MARCHF3: variants seen among roughly 807,000 people sequenced by gnomAD.
MARCHF3 encodes membrane associated ring-CH-type finger 3.
A neutral mutation model predicts 24.2 loss-of-function variants in MARCHF3; 13 were observed. The ratio of observed to expected loss-of-function variants is 0.54; its 90% CI spans 0.35 to 0.85. The LOEUF (loss-of-function observed/expected upper bound fraction) is 0.85. Ranked by LOEUF, MARCHF3 falls within the 40% of genes least tolerant of loss-of-function variation. The pLI is 0.01. For missense variants in MARCHF3, 276 were observed against 325.0 expected (o/e 0.85, Z 1.16); for synonymous variants, 144 against 137.3 (o/e 1.05, Z -0.34).
intron 1 of MARCHF3, among the ~76,000 whole-genome samples, chr5:126,928,953 CTT>C (rs1160798525): frequency 6.6e-6 from 1 of 152,138 alleles, no homozygotes; most frequent in African/African-American, 2.4e-5. Context: ...ATCTAACAAA[CTT>C]AATATTCCCT....
intron 3 of MARCHF3, chr5:126,899,230 A>AG: frequency 1.0e-6 from 1 of 985,364 alleles, no homozygotes; most frequent in South Asian, 4.7e-5. Flanking sequence ...AAGACCTGAC[A>AG]GGGGTGTTTT....
At chr5:126,966,833 C>G (rs1750827137) in intron 1 of MARCHF3, among the ~76,000 whole-genome samples, 1 of 140,158 alleles carries the variant, frequency 7.1e-6, no homozygotes, top group Non-Finnish European at 1.5e-5. Flanking sequence ...TAACAGTGGC[C>G]TTAGAATACT....
chr5:126,951,420 C>A (rs1750227580), intron 1 of MARCHF3, among the ~76,000 whole-genome samples: 1 of 152,162 alleles, frequency 6.6e-6, no homozygotes, highest in African/African-American at 2.4e-5. Context: ...ACTTGTATGT[C>A]CAACTGTCTA....
At chr5:126,916,533 A>G (rs1429080117) in intron 2 of MARCHF3, among the ~76,000 whole-genome samples, 1 of 152,158 alleles carries the variant, frequency 6.6e-6, no homozygotes, top group Admixed American at 6.5e-5. Context: ...TGAAAGGCCT[A>G]CTTGTGCCCA....
At chr5:126,948,530 G>T (rs1324903028) in intron 1 of MARCHF3, among the ~76,000 whole-genome samples, 1 of 152,220 alleles carries the variant, frequency 6.6e-6, no homozygotes, top group Non-Finnish European at 1.5e-5. Context: ...GCAATATGCT[G>T]AATAAAAGAA....
At chr5:126,896,026 A>G (rs1199584390) in intron 3 of MARCHF3, among the ~76,000 whole-genome samples, 2 of 152,154 alleles carry the variant, frequency 1.3e-5, no homozygotes, top group Admixed American at 6.6e-5. Flanking sequence ...CCGTTTTTTA[A>G]GCCTGTCGGA....
chr5:126,895,802 G>A (rs1031826155), intron 3 of MARCHF3, among the ~76,000 whole-genome samples: 2 of 152,298 alleles, frequency 1.3e-5, no homozygotes, highest in South Asian at 2.1e-4. Flanking sequence ...GGAGCCTACA[G>A]AGGCAGGCAG....
intron 1 of MARCHF3, among the ~76,000 whole-genome samples, chr5:126,961,476 T>G (rs917329589): frequency 2.0e-5 from 3 of 152,204 alleles, no homozygotes; most frequent in Admixed American, 2.0e-4. Context: ...CCAACAGTTA[T>G]GCTTATGTTT....
At chr5:126,972,818 C>G (rs73786244) in intron 1 of MARCHF3, among the ~76,000 whole-genome samples, 7,854 of 152,076 alleles carry the variant, frequency 0.052, 375 homozygotes, top group South Asian at 0.14. Flanking sequence ...AAAAAAACAC[C>G]AAAAAAACCC....
intron 3 of MARCHF3, 43 bp from the exon 4 acceptor site, chr5:126,878,437 A>G (rs771430221): frequency 1.9e-6 from 3 of 1,565,550 alleles, no homozygotes; most frequent in South Asian, 2.3e-5. Context: ...GGAGAGGGTT[A>G]AATGCCAGTG....
At chr5:126,923,110 G>A (rs1408093559) in intron 1 of MARCHF3, among the ~76,000 whole-genome samples, 2 of 152,190 alleles carry the variant, frequency 1.3e-5, no homozygotes, top group Non-Finnish European at 2.9e-5. Flanking sequence ...ATTTACCTAT[G>A]TAACAAACAT....
At chr5:126,964,288 C>T (rs769236262) in intron 1 of MARCHF3, among the ~76,000 whole-genome samples, 4 of 152,214 alleles carry the variant, frequency 2.6e-5, no homozygotes, top group Non-Finnish European at 5.9e-5. Context: ...AGTCTGATGT[C>T]ACAAGGCTGG....
At chr5:126,949,137 A>G (rs1358460829) in intron 1 of MARCHF3, among the ~76,000 whole-genome samples, 1 of 152,256 alleles carries the variant, frequency 6.6e-6, no homozygotes, top group African/African-American at 2.4e-5. Context: ...AGGCAAACAC[A>G]GTTATAAATG....
chr5:126,928,360 G>A (rs1373280598), intron 1 of MARCHF3, among the ~76,000 whole-genome samples: 1 of 152,198 alleles, frequency 6.6e-6, no homozygotes, highest in African/African-American at 2.4e-5. Context: ...ACCAGAGACT[G>A]TTTGTTTCCC....
chr5:126,986,135 T>C (rs1180674940), intron 1 of MARCHF3, among the ~76,000 whole-genome samples: 1 of 152,166 alleles, frequency 6.6e-6, no homozygotes, highest in African/African-American at 2.4e-5. Context: ...AGCGCAGAAG[T>C]AGGAGTCAAA....
intron 3 of MARCHF3, among the ~76,000 whole-genome samples, chr5:126,888,786 A>C (rs1312094599): frequency 6.6e-6 from 1 of 152,128 alleles, no homozygotes; most frequent in Non-Finnish European, 1.5e-5. Context: ...TTTTTTTGAG[A>C]TGGAGTCTCG....
At chr5:126,931,930 G>T (rs951661933) in intron 1 of MARCHF3, among the ~76,000 whole-genome samples, 1 of 152,182 alleles carries the variant, frequency 6.6e-6, no homozygotes, top group African/African-American at 2.4e-5. Flanking sequence ...GATACCTTGG[G>T]TTTGAATCCC....
chr5:126,875,411 C>A (rs955398358), intron 4 of MARCHF3, among the ~76,000 whole-genome samples: 2 of 152,220 alleles, frequency 1.3e-5, no homozygotes, highest in South Asian at 4.1e-4. Flanking sequence ...ACCAGGGAGG[C>A]CCTTCCAGGA....
chr5:126,973,879 ATTTTTTTTT>A (rs10585434), intron 1 of MARCHF3, among the ~76,000 whole-genome samples: 19 of 82,976 alleles, frequency 2.3e-4, no homozygotes, highest in African/African-American at 6.4e-4. Flanking sequence ...AGCAAAATCT[ATTTTTTTTT>A]TTTTTTTTTT....
Sources: allele counts gnomAD v4.1 joint callset (sites outside exome capture counted in the v4.1 genomes callset), GRCh38; gene constraint gnomAD v4.1.1; transcripts MANE v1.5; gene names NCBI Gene and HGNC (gene_info 2026-07-23, HGNC 2026-07-21).